The following STIM2 variants were observed in gnomAD, a reference collection of about 807,000 sequenced individuals.
STIM2 encodes the protein stromal interaction molecule 2.
In STIM2, 31 loss-of-function variants were observed where a neutral mutation model predicts 85.8. That is an observed-to-expected ratio of 0.36 (90% CI 0.27 to 0.49). The LOEUF is 0.49. Ranked by LOEUF, STIM2 falls within the 20% of genes least tolerant of loss-of-function variation. The probability of loss-of-function intolerance (pLI) is 0.98; values close to 1 mark genes in which losing one functional copy is unlikely to be tolerated. For missense variants in STIM2, 841 were observed against 927.6 expected (o/e 0.91, Z 1.21); for synonymous variants, 356 against 331.1 (o/e 1.08, Z -0.82).
chr4:26,939,019 G>A (rs1560213390), intron 2 of STIM2, among the ~76,000 whole-genome samples: 1 of 152,110 alleles, frequency 6.6e-6, no homozygotes, highest in South Asian at 2.1e-4. Flanking sequence ...GTTAATATTG[G>A]ATGGTCTGTT....
At chr4:26,924,202 AC>A (rs1724915215) in intron 2 of STIM2, among the ~76,000 whole-genome samples, 1 of 5,102 alleles carries the variant, frequency 2.0e-4, no homozygotes, top group Non-Finnish European at 2.7e-4. Context: ...AGAACTCTCC[AC>A]CCCAAATCAA....
intron 3 of STIM2, among the ~76,000 whole-genome samples, chr4:26,992,409 G>A (rs1240803090): frequency 6.6e-6 from 1 of 151,916 alleles, no homozygotes; most frequent in Admixed American, 6.6e-5. Context: ...ATGCATAAAA[G>A]CTACTAAGGG....
At chr4:26,891,573 A>ACG (rs1327357400) in intron 1 of STIM2, among the ~76,000 whole-genome samples, 6 of 149,020 alleles carry the variant, frequency 4.0e-5, no homozygotes, top group African/African-American at 1.5e-4. Flanking sequence ...ACACACACAC[A>ACG]CACACACACA....
rs1269169019 is a variant in STIM2, at chr4:26,903,085, CTA to C, written c.152-16418_152-16417del. 5.3e-5 allele frequency among the ~76,000 whole-genome samples: 8 copies of C among 152,144 alleles called. No individual in the cohort carries two copies. The East Asian group carries it at 1.4e-3, about 26-fold the overall frequency. On this transcript the variant is annotated intron_variant, in intron 1 of 11. Coordinates refer to ENST00000467087, the MANE Select transcript of STIM2 (RefSeq NM_020860.4). ...ATGGAGTCTGCATACTGTAGTGGAACTAGTGAGAGTTCTACGAAATAGTAAAA... is the reference window on the plus strand; with the variant it reads ...ATGGAGTCTGCATACTGTAGTGGAACGTGAGAGTTCTACGAAATAGTAAAA...
At chr4:26,889,096 C>T (rs553592440) in intron 1 of STIM2, among the ~76,000 whole-genome samples, 1 of 152,128 alleles carries the variant, frequency 6.6e-6, no homozygotes. Flanking sequence ...ACAAAAATTT[C>T]GCTAGTGAAA....
At chr4:26,987,202 A>G (rs1727612204) in intron 3 of STIM2, among the ~76,000 whole-genome samples, 1 of 152,016 alleles carries the variant, frequency 6.6e-6, no homozygotes, top group Admixed American at 6.6e-5. Flanking sequence ...CAATCTCTTC[A>G]TTCTCCCTGT....
intron 5 of STIM2, among the ~76,000 whole-genome samples, chr4:27,001,092 A>G (rs1268578799): frequency 6.6e-6 from 1 of 152,204 alleles, no homozygotes; most frequent in Non-Finnish European, 1.5e-5. Context: ...ATATCACACT[A>G]CACAAACATA....
chr4:26,898,156 T>C (rs530261635), intron 1 of STIM2, among the ~76,000 whole-genome samples: 1 of 152,366 alleles, frequency 6.6e-6, no homozygotes, highest in African/African-American at 2.4e-5. Flanking sequence ...CAGACAGCAC[T>C]TCTTTTTTCC....
intron 3 of STIM2, among the ~76,000 whole-genome samples, chr4:26,963,073 A>G (rs963663158): frequency 4.6e-5 from 7 of 152,214 alleles, no homozygotes; most frequent in African/African-American, 1.7e-4. Context: ...GAGAAGAAAG[A>G]TACAGGCACT....
chr4:26,933,541 C>A (rs1262680201), intron 2 of STIM2, among the ~76,000 whole-genome samples: 2 of 151,940 alleles, frequency 1.3e-5, no homozygotes, highest in Non-Finnish European at 2.9e-5. Flanking sequence ...GCTCTACTGT[C>A]ATATTTTTCC....
chr4:26,915,010 G>A (rs1035996368), intron 1 of STIM2, among the ~76,000 whole-genome samples: 1 of 152,064 alleles, frequency 6.6e-6, no homozygotes, highest in Non-Finnish European at 1.5e-5. Context: ...ATTTATGTTC[G>A]TTATACTGAC....
At chr4:26,861,980 A>G (rs2109419307) in intron 1 of STIM2, among the ~76,000 whole-genome samples, 1 of 152,252 alleles carries the variant, frequency 6.6e-6, no homozygotes, top group East Asian at 1.9e-4. Context: ...GGTGATGGAA[A>G]GTGTTTGGTG....
intron 1 of STIM2, among the ~76,000 whole-genome samples, chr4:26,877,326 A>G (rs1057212646): frequency 6.6e-6 from 1 of 151,996 alleles, no homozygotes; most frequent in Non-Finnish European, 1.5e-5. Context: ...ACTCTCTTAC[A>G]GTTTTCGTAT....
chr4:26,933,733 C>CAAAAAAAA (rs771503772), intron 2 of STIM2, among the ~76,000 whole-genome samples: 14 of 47,614 alleles, frequency 2.9e-4, no homozygotes, highest in African/African-American at 3.5e-4. Context: ...GACCTGATCT[C>CAAAAAAAA]AAAAAAAAAA....
chr4:27,015,858 GA>G (rs377442280), intron 10 of STIM2, among the ~76,000 whole-genome samples: 2 of 130,068 alleles, frequency 1.5e-5, no homozygotes, highest in South Asian at 2.4e-4. Context: ...TATCAGTTCT[GA>G]AAAAAAAACA....
At chr4:26,908,805 A>G (rs889718943) in intron 1 of STIM2, among the ~76,000 whole-genome samples, 1 of 152,174 alleles carries the variant, frequency 6.6e-6, no homozygotes, top group Non-Finnish European at 1.5e-5. Flanking sequence ...TTTATATAAT[A>G]CAGTAAATGC....
intron 2 of STIM2, among the ~76,000 whole-genome samples, chr4:26,946,037 TTTC>T (rs908814975): frequency 2.6e-5 from 4 of 152,218 alleles, no homozygotes; most frequent in Admixed American, 6.5e-5. Flanking sequence ...AATCATTATT[TTTC>T]TTCTATTAGT....
At chr4:26,895,549 G>C (rs1019376051) in intron 1 of STIM2, among the ~76,000 whole-genome samples, 3 of 152,048 alleles carry the variant, frequency 2.0e-5, no homozygotes, top group African/African-American at 7.2e-5. Flanking sequence ...GCAAGATTTT[G>C]ACCTTAAGTT....
chr4:26,940,783 A>G (rs116556353), intron 2 of STIM2, among the ~76,000 whole-genome samples: 1,947 of 152,272 alleles, frequency 0.013, 33 homozygotes, highest in African/African-American at 0.044. Flanking sequence ...TCAAAAATTT[A>G]TATTAGAGCC....
Sources: allele counts gnomAD v4.1 joint callset (sites outside exome capture counted in the v4.1 genomes callset), GRCh38; gene constraint gnomAD v4.1.1; transcripts MANE v1.5; gene names NCBI Gene and HGNC (gene_info 2026-07-23, HGNC 2026-07-21).